EPS8L2: variants seen among roughly 807,000 people sequenced by gnomAD.
EPS8L2 encodes the protein EPS8 signaling adaptor L2.
A neutral mutation model predicts 99.4 loss-of-function variants in EPS8L2; 81 were observed. The ratio of observed to expected loss-of-function variants is 0.82; its 90% CI spans 0.68 to 0.98. The LOEUF (loss-of-function observed/expected upper bound fraction) is 0.98, where lower values mean the gene tolerates loss of function less well. Ranked by LOEUF, EPS8L2 falls within the 50% of genes least tolerant of loss-of-function variation. The pLI is 0.00. For missense variants in EPS8L2, 1,155 were observed against 968.8 expected (o/e 1.19, Z -2.55); for synonymous variants, 509 against 407.3 (o/e 1.25, Z -3.01).
chr11:714,982 C>T (rs777993639), intron 4 of EPS8L2, among the ~76,000 whole-genome samples: 9 of 152,114 alleles, frequency 5.9e-5, no homozygotes, highest in African/African-American at 1.7e-4. Context: ...GTGGCTCATG[C>T]CTGTAATCCC....
chr11:718,683 T>A (rs893354688), intron 4 of EPS8L2, among the ~76,000 whole-genome samples: 1 of 150,140 alleles, frequency 6.7e-6, no homozygotes, highest in Admixed American at 6.6e-5. Flanking sequence ...TTTTTTTTTT[T>A]TTTGAGATGG....
chr11:707,132 C>T (rs1861746452), intron 1 of EPS8L2, among the ~76,000 whole-genome samples: 1 of 152,018 alleles, frequency 6.6e-6, no homozygotes, highest in African/African-American at 2.4e-5. Flanking sequence ...GGCCCCTCCT[C>T]CCCTCGCGGC....
At chr11:711,749 T>C (rs373812871) in intron 4 of EPS8L2, among the ~76,000 whole-genome samples, 1,350 of 116,026 alleles carry the variant, frequency 0.012, no homozygotes, top group Middle Eastern at 0.018. Context: ...TTTGGGAGGC[T>C]GAGGTGAGTG....
intron 4 of EPS8L2, among the ~76,000 whole-genome samples, chr11:719,214 G>A (rs776753660): frequency 6.6e-5 from 10 of 152,116 alleles, no homozygotes; most frequent in East Asian, 1.9e-4. Context: ...TGATCCACCC[G>A]CCTCGGCCTC....
chr11:720,578 C>T lies in EPS8L2; in HGVS notation c.328-19C>T, dbSNP rs1862130132. 6.3e-7 allele frequency: 1 copy of T among 1,591,142 alleles called. No homozygotes were observed. Among genetic ancestry groups the T allele is most frequent in the African/African-American group, 1.3e-5 (1 of 74,840 alleles). ...CCCAGACCCCGGGTGCGAGTCGTGT[C>T]CGCGCGATGTACCCGCAGGAGGAGC... On this transcript the variant is annotated intron_variant, in intron 5 of 20. Transcript: ENST00000318562.
Position 722,406 on chromosome 11 carries a change from C to T in EPS8L2, c.1065C>T (p.Val355=), listed in dbSNP as rs146372566. 2 of 1,612,796 alleles carry T rather than the reference C, an allele frequency of 1.2e-6. No homozygotes were observed. Among genetic ancestry groups the T allele is most frequent in the African/African-American group, 2.7e-5 (2 of 74,922 alleles). ...HFLFGPLDLI[V]NTCSGPDIAR... is the part of the protein sequence containing the mutation. ...TGAACCTCACTGTGCCCCAGATCGTCAACACCTGCAGTGGCCCAGACATCG... is the reference window on the plus strand; with the variant it reads ...TGAACCTCACTGTGCCCCAGATCGTTAACACCTGCAGTGGCCCAGACATCG... Residue 355 remains valine, a synonymous_variant, in exon 13 of 21, where the codon GTC becomes GTT. Coordinates refer to ENST00000318562, the MANE Select transcript of EPS8L2 (RefSeq NM_022772.4).
At chr11:707,187 C>A (rs1457078256) in intron 1 of EPS8L2, among the ~76,000 whole-genome samples, 1 of 152,114 alleles carries the variant, frequency 6.6e-6, no homozygotes, top group African/African-American at 2.4e-5. Context: ...AGCACCCAGG[C>A]CTTGTTGGCA....
intron 4 of EPS8L2, among the ~76,000 whole-genome samples, chr11:712,479 G>A (rs551094438): frequency 2.0e-5 from 3 of 151,168 alleles, no homozygotes; most frequent in South Asian, 4.2e-4. Flanking sequence ...CTGGGCTCCC[G>A]GTTGTCGTCC....
chr11:710,045 C>T (rs533771213), intron 3 of EPS8L2: 4 of 347,004 alleles, frequency 1.2e-5, no homozygotes, highest in South Asian at 6.4e-5. Flanking sequence ...GTCTGGAAAG[C>T]GAGAAGACCT....
rs555022719 is a variant in EPS8L2, at chr11:715,236, T to C, written c.165+4750T>C. Among the ~76,000 whole-genome samples the C allele has an allele frequency of 1.3e-3, 184 of 146,650 alleles. 1 individual carries two copies. Among genetic ancestry groups the C allele is most frequent in the African/African-American group, 3.5e-3 (132 of 37,272 alleles). On this transcript the variant is annotated intron_variant, in intron 4 of 20. Transcript: ENST00000318562. ...CAGCCTGGGAGACAGAGTGAGACTC[T>C]GTCTCAAAAAAAAAAAAAGAGTTTG...
At chr11:715,017 CAG>C (rs1564972093) in intron 4 of EPS8L2, among the ~76,000 whole-genome samples, 1 of 152,026 alleles carries the variant, frequency 6.6e-6, no homozygotes, top group Admixed American at 6.6e-5. Flanking sequence ...CTGAGGTGGG[CAG>C]ATCACAAGGT....
chr11:725,932 C>G, intron 17 of EPS8L2, 85 bp downstream of exon 17: 1 of 1,382,110 alleles, frequency 7.2e-7, no homozygotes, highest in Non-Finnish European at 9.4e-7. Flanking sequence ...CAAGGCCAGC[C>G]CCGCGGCTGG....
rs181327192 is a variant in EPS8L2 at position 714,969 on chromosome 11, G to A, written c.165+4483G>A. On this transcript the variant is annotated intron_variant, in intron 4 of 20. Transcript: ENST00000318562. ...TTCAGAAAGAGTTTGTGGGCCGGGC[G>A]CGGTGGCTCATGCCTGTAATCCCAG... 2.0e-4 allele frequency among the ~76,000 whole-genome samples: 31 copies of A among 152,242 alleles called. No individual in the cohort carries two copies. The East Asian group carries it at 4.4e-3, about 22-fold the overall frequency.
At chr11:725,510 C>A (rs1385545462) in intron 16 of EPS8L2, among the ~76,000 whole-genome samples, 3 of 152,014 alleles carry the variant, frequency 2.0e-5, no homozygotes, top group Non-Finnish European at 4.4e-5. Context: ...GACCCTGTCT[C>A]CGAGAAAAAA....
intron 4 of EPS8L2, among the ~76,000 whole-genome samples, chr11:711,078 C>G (rs1861875233): frequency 6.6e-6 from 1 of 152,154 alleles, no homozygotes; most frequent in African/African-American, 2.4e-5. Flanking sequence ...AGAACAAAGA[C>G]GCCCTTGATG....
In EPS8L2 at chr11:726,608, C is replaced by T; in HGVS notation, c.1935-11C>T. 6.5e-7 allele frequency: 1 copy of T among 1,543,500 alleles called. No homozygotes were observed. The highest frequency in any genetic ancestry group is 8.7e-7 in the Non-Finnish European group (1 of 1,143,322). On this transcript the variant is annotated splice_polypyrimidine_tract_variant and intron_variant, in intron 19 of 20. Coordinates refer to ENST00000318562, the MANE Select transcript of EPS8L2 (RefSeq NM_022772.4). ...ACAGCGCGGCCCTGACGCCCAACTG[C>T]CCGCCCCCAGGATCGTGGAGAACCT...
chr11:710,537 C>A, intron 4 of EPS8L2, 51 bp downstream of exon 4: 1 of 1,496,072 alleles, frequency 6.7e-7, no homozygotes, highest in South Asian at 1.1e-5. Flanking sequence ...ACCCTCAGGA[C>A]ATGGCTGTCC....
intron 4 of EPS8L2, among the ~76,000 whole-genome samples, chr11:711,232 G>A (rs1038010455): frequency 1.1e-4 from 17 of 150,520 alleles, no homozygotes; most frequent in African/African-American, 4.2e-4. Context: ...GTTTTTTTGG[G>A]GGGTTTTGTG....
At chr11:707,723 G>A (rs1028731978) in intron 1 of EPS8L2, among the ~76,000 whole-genome samples, 11 of 151,976 alleles carry the variant, frequency 7.2e-5, no homozygotes, top group East Asian at 1.9e-4. Context: ...TGAGGTCCCC[G>A]ATGCCCTGCA....
Sources: gnomAD v4.1 joint callset for allele counts (sites outside exome capture counted in the v4.1 genomes callset) on GRCh38, gnomAD v4.1.1 for gene constraint, MANE v1.5 for transcripts, NCBI Gene and HGNC (gene_info 2026-07-23, HGNC 2026-07-21) for gene names.